Variants in ADAMTSL1 observed in about 807,000 individuals in gnomAD.
The protein encoded by ADAMTSL1 is ADAMTS like 1.
Under a neutral mutation model 201.8 loss-of-function variants are expected in ADAMTSL1, and 126 were observed. That is an observed-to-expected ratio of 0.62 (90% CI 0.54 to 0.72). ADAMTSL1 has a LOEUF of 0.72. Among genes scored for constraint, ADAMTSL1 ranks in the 30% least tolerant of loss-of-function variants. The pLI is 0.00. For missense variants in ADAMTSL1, 2,679 were observed against 2,277.8 expected (o/e 1.18, Z -3.59); for synonymous variants, 1,121 against 903.4 (o/e 1.24, Z -4.32).
At chr9:18,143,561 C>A (rs1587147853) in intron 1 of ADAMTSL1, among the ~76,000 whole-genome samples, 2 of 152,022 alleles carry the variant, frequency 1.3e-5, no homozygotes, top group Non-Finnish European at 2.9e-5. Flanking sequence ...TTGGCATCCT[C>A]CCTTGTCAGA....
intron 1 of ADAMTSL1, among the ~76,000 whole-genome samples, chr9:17,990,004 C>A (rs183643628): frequency 6.7e-6 from 1 of 149,466 alleles, no homozygotes; most frequent in East Asian, 2.0e-4. Context: ...AAGGTAAGTT[C>A]ATGTTAGGGC....
chr9:18,422,876 G>A (rs116072487), intron 2 of ADAMTSL1, among the ~76,000 whole-genome samples: 443 of 152,180 alleles, frequency 2.9e-3, no homozygotes, highest in African/African-American at 9.1e-3. Context: ...ATCACTTGAG[G>A]GCAAGTGAGA....
intron 2 of ADAMTSL1, among the ~76,000 whole-genome samples, chr9:18,373,160 C>A (rs561925059): frequency 6.6e-6 from 1 of 152,300 alleles, no homozygotes; most frequent in African/African-American, 2.4e-5. Flanking sequence ...TCTTAGTTGA[C>A]CTTCTCAGTC....
chr9:18,062,691 G>C (rs1822513072), intron 1 of ADAMTSL1, among the ~76,000 whole-genome samples: 1 of 152,198 alleles, frequency 6.6e-6, no homozygotes, highest in African/African-American at 2.4e-5. Context: ...AAATTTTAAA[G>C]TGCATAATTG....
intron 1 of ADAMTSL1, among the ~76,000 whole-genome samples, chr9:18,018,060 T>G (rs1324591818): frequency 6.6e-6 from 1 of 152,010 alleles, no homozygotes. Flanking sequence ...AAGACTGGGT[T>G]TTACATTTTC....
chr9:18,174,302 T>C (rs878905323), intron 2 of ADAMTSL1, among the ~76,000 whole-genome samples: 3 of 152,150 alleles, frequency 2.0e-5, no homozygotes, highest in Admixed American at 2.0e-4. Context: ...ATAGACCATG[T>C]CTGACTTAGT....
At chr9:18,634,695 A>G (rs9407925) in intron 5 of ADAMTSL1, among the ~76,000 whole-genome samples, 113,341 of 150,708 alleles carry the variant, frequency 0.75, 42,752 homozygotes, top group Middle Eastern at 0.8. Context: ...AAAATTAGTC[A>G]GGCGTGATGG....
chr9:18,684,391 G>A (rs1203965444), intron 12 of ADAMTSL1, among the ~76,000 whole-genome samples: 1 of 152,112 alleles, frequency 6.6e-6, no homozygotes, highest in Non-Finnish European at 1.5e-5. Flanking sequence ...CTTTTCAAGA[G>A]GGAATGGTAA....
At chr9:18,333,485 A>G (rs1669992097) in intron 2 of ADAMTSL1, among the ~76,000 whole-genome samples, 1 of 152,172 alleles carries the variant, frequency 6.6e-6, no homozygotes, top group South Asian at 2.1e-4. Context: ...TTATTTATAA[A>G]TTATGCAGTC....
chr9:18,211,318 C>T (rs576359170), intron 2 of ADAMTSL1, among the ~76,000 whole-genome samples: 2 of 152,052 alleles, frequency 1.3e-5, no homozygotes, highest in South Asian at 4.2e-4. Context: ...ATACAATGGC[C>T]CCCCTCCATT....
chr9:17,919,887 A>G (rs1286154369), intron 1 of ADAMTSL1, among the ~76,000 whole-genome samples: 1 of 152,092 alleles, frequency 6.6e-6, no homozygotes, highest in Non-Finnish European at 1.5e-5. Context: ...ATCATTTGAG[A>G]AACTGCCAGA....
intron 1 of ADAMTSL1, among the ~76,000 whole-genome samples, chr9:17,922,847 G>T (rs1327571291): frequency 6.6e-6 from 1 of 152,128 alleles, no homozygotes; most frequent in Non-Finnish European, 1.5e-5. Flanking sequence ...GTTTATAAGT[G>T]GTTTTCAGAT....
chr9:18,658,970 A>T (rs1828887832), intron 8 of ADAMTSL1, among the ~76,000 whole-genome samples: 1 of 152,230 alleles, frequency 6.6e-6, no homozygotes. Context: ...TTCCAGAAGG[A>T]TAACAATCAG....
intron 1 of ADAMTSL1, among the ~76,000 whole-genome samples, chr9:18,485,397 C>A (rs144236378): frequency 6.6e-6 from 1 of 152,194 alleles, no homozygotes; most frequent in Non-Finnish European, 1.5e-5. Context: ...CATGGATTGG[C>A]CTGCTGTCTG....
intron 2 of ADAMTSL1, among the ~76,000 whole-genome samples, chr9:18,443,419 G>A (rs1250942358): frequency 6.6e-6 from 1 of 152,166 alleles, no homozygotes; most frequent in African/African-American, 2.4e-5. Flanking sequence ...TTATCTGCAG[G>A]AGAAAACTGA....
At chr9:18,705,915 A>T (rs921258239) in intron 13 of ADAMTSL1, among the ~76,000 whole-genome samples, 2 of 152,206 alleles carry the variant, frequency 1.3e-5, no homozygotes, top group African/African-American at 4.8e-5. Context: ...CACAGGGCAA[A>T]CCCCAAAACT....
chr9:18,711,887 C>A (rs374970413), intron 14 of ADAMTSL1, among the ~76,000 whole-genome samples: 1 of 151,696 alleles, frequency 6.6e-6, no homozygotes, highest in African/African-American at 2.4e-5. Flanking sequence ...TCCCAGCATG[C>A]AGCTGGAGAT....
In ADAMTSL1 at chr9:18,535,880, G is replaced by T. The variant is rs56053548; in HGVS notation, c.237+2588G>T. Among the ~76,000 whole-genome samples the T allele has an allele frequency of 8.5e-3, 1,287 of 152,154 alleles. 21 individuals carry two copies. Among genetic ancestry groups the T allele is most frequent in the African/African-American group, 0.03 (1,240 of 41,496 alleles). The stretch of plus-strand genomic sequence containing the variant: ...CTGCATGAGTCAATTATCTCCACCT[G>T]GTTCTTCCCTTGACACGCAGGGATT... On this transcript the variant is annotated intron_variant, in intron 3 of 28. Transcript: ENST00000380548.
At chr9:18,249,525 A>C (rs373615320) in intron 2 of ADAMTSL1, among the ~76,000 whole-genome samples, 118 of 152,336 alleles carry the variant, frequency 7.7e-4, no homozygotes, top group African/African-American at 2.5e-3. Context: ...CTTACTATTT[A>C]CCATATTTGC....
Sources: allele counts gnomAD v4.1 joint callset (sites outside exome capture counted in the v4.1 genomes callset), GRCh38; gene constraint gnomAD v4.1.1; transcripts MANE v1.5; gene names NCBI Gene and HGNC (gene_info 2026-07-23, HGNC 2026-07-21).